The following WIPF1 variants were observed in gnomAD, a reference collection of about 807,000 sequenced individuals.
WIPF1 encodes WAS/WASL-interacting protein family member 1.
In WIPF1, 13 loss-of-function variants were observed where a neutral mutation model predicts 35.4. That is an observed-to-expected ratio of 0.37 (90% CI 0.24 to 0.58). The LOEUF (loss-of-function observed/expected upper bound fraction) is 0.58, where lower values mean the gene tolerates loss of function less well. Ranked by LOEUF, WIPF1 falls within the 20% of genes least tolerant of loss-of-function variation. WIPF1 has a pLI of 0.74. For synonymous variants in WIPF1, 267 were observed against 266.3 expected (o/e 1.00, Z -0.02); for missense variants, 591 against 667.0 (o/e 0.89, Z 1.25).
chr2:174,613,337 T>C (rs1686409445), intron 1 of WIPF1, among the ~76,000 whole-genome samples: 1 of 152,244 alleles, frequency 6.6e-6, no homozygotes, highest in South Asian at 2.1e-4. Context: ...AGGTAGAATC[T>C]AGTTTAGAAT....
chr2:174,674,662 T>C (rs1356155735), intron 1 of WIPF1, among the ~76,000 whole-genome samples: 1 of 152,106 alleles, frequency 6.6e-6, no homozygotes, highest in Non-Finnish European at 1.5e-5. Context: ...AATAAGTGAA[T>C]TTTTTTAATG....
At chr2:174,648,039 A>G (rs1019811019) in intron 1 of WIPF1, among the ~76,000 whole-genome samples, 3 of 152,210 alleles carry the variant, frequency 2.0e-5, no homozygotes, top group Non-Finnish European at 4.4e-5. Flanking sequence ...ATCAAATCCA[A>G]CCGTGTGTTA....
rs532215037 is a variant in WIPF1 at position 174,562,328 on chromosome 2, C to T, written c.*219G>A. The T allele has an allele frequency of 1.6e-5, 24 of 1,486,064 alleles. No individual in the cohort carries two copies. In the South Asian group the frequency reaches 1.9e-4, roughly 12 times the overall value. The allele number at this position is 1,486,064 out of a possible 1,614,324, so 92.1% of individuals were successfully genotyped here. ...CCCAGCAGCCAGCACAGGCAGGCTG[C>T]AGCTGAAGCAAGCAATAGCCTGGAG... On this transcript the variant is annotated 3_prime_UTR_variant, in exon 8 of 8. Transcript: ENST00000679041.
intron 1 of WIPF1, among the ~76,000 whole-genome samples, chr2:174,592,256 T>C (rs1685638131): frequency 1.3e-5 from 2 of 152,340 alleles, no homozygotes; most frequent in East Asian, 1.9e-4. Context: ...GTGAACACAG[T>C]TGACAATCCT....
chr2:174,675,989 C>T (rs1688121766), intron 1 of WIPF1, among the ~76,000 whole-genome samples: 1 of 151,104 alleles, frequency 6.6e-6, no homozygotes, highest in African/African-American at 2.4e-5. Context: ...CTCTATCACC[C>T]AGGCTGGAGT....
intron 5 of WIPF1, among the ~76,000 whole-genome samples, chr2:174,569,461 T>G (rs1348034550): frequency 6.6e-6 from 1 of 152,174 alleles, no homozygotes; most frequent in African/African-American, 2.4e-5. Context: ...CAACTGTCAC[T>G]ACATGCAAAC....
intron 1 of WIPF1, among the ~76,000 whole-genome samples, chr2:174,637,601 C>T (rs1335515516): frequency 6.6e-6 from 1 of 152,168 alleles, no homozygotes; most frequent in Non-Finnish European, 1.5e-5. Context: ...TGCTGGCTAA[C>T]ACGGTGAAAC....
chr2:174,637,243 CT>C (rs1687202827), intron 1 of WIPF1, among the ~76,000 whole-genome samples: 1 of 150,700 alleles, frequency 6.6e-6, no homozygotes, highest in Admixed American at 6.6e-5. Context: ...TTTTTTTTTT[CT>C]TTTTTGTTTT....
At chr2:174,563,733 T>G (rs1684558284) in intron 7 of WIPF1, among the ~76,000 whole-genome samples, 1 of 152,136 alleles carries the variant, frequency 6.6e-6, no homozygotes, top group Admixed American at 6.5e-5. Flanking sequence ...TGTGAACAGG[T>G]CTAACTGGGG....
rs1185793589 is a variant in WIPF1, at chr2:174,572,093, A to G, written c.712T>C (p.Ser238Pro). The change falls in exon 5 of 8, where the codon TCC (serine) becomes CCC (proline). Residue 238 changes from serine (S) to proline (P), a missense_variant. By Grantham distance (74) the Ser-to-Pro change is moderately conservative. This residue lies in a region of WIPF1 where 471 missense variants were observed against 501.1 expected (regional missense o/e 0.94). Transcript: ENST00000679041. ...TALGGGSIRQSPLSSSSPFSN... is the reference protein window; with the variant it reads ...TALGGGSIRQPPLSSSSPFSN... ...AAGGGCGAGGAGGAGCTCAAGGGGGACTGACGTATTGAGCCTCCTCCCAAA... is the reference window on the plus strand; with the variant it reads ...AAGGGCGAGGAGGAGCTCAAGGGGGGCTGACGTATTGAGCCTCCTCCCAAA... The G allele has an allele frequency of 3.8e-6, 6 of 1,583,936 alleles. No homozygotes were observed. The East Asian group carries it at 1.3e-4, about 35-fold the overall frequency.
upstream of WIPF1, among the ~76,000 whole-genome samples, chr2:174,600,913 T>G (rs12988905): frequency 8.2e-4 from 46 of 56,384 alleles, no homozygotes; most frequent in East Asian, 0.01. Context: ...ATAATGTTCC[T>G]TTTTTTTTTT....
At chr2:174,648,059 T>G (rs190732374) in intron 1 of WIPF1, among the ~76,000 whole-genome samples, 1 of 152,382 alleles carries the variant, frequency 6.6e-6, no homozygotes, top group Admixed American at 6.5e-5. Context: ...AGTCACATTT[T>G]TTCTGGGTTA....
At chr2:174,605,119 G>C (rs1686117881) in intron 1 of WIPF1, among the ~76,000 whole-genome samples, 1 of 152,212 alleles carries the variant, frequency 6.6e-6, no homozygotes, top group Admixed American at 6.5e-5. Flanking sequence ...GGGAGCCTGA[G>C]ACTCAAGAGG....
At chr2:174,612,222 C>T (rs1158108605) in intron 1 of WIPF1, among the ~76,000 whole-genome samples, 1 of 152,100 alleles carries the variant, frequency 6.6e-6, no homozygotes, top group Non-Finnish European at 1.5e-5. Flanking sequence ...CCCATTAATA[C>T]CCAGAGAAAA....
chr2:174,652,791 T>A (rs201039580), intron 1 of WIPF1, among the ~76,000 whole-genome samples: 102 of 135,960 alleles, frequency 7.5e-4, no homozygotes, highest in African/African-American at 2.4e-3. Flanking sequence ...AAATTCCATT[T>A]AAAAAAAAAA....
intron 1 of WIPF1, among the ~76,000 whole-genome samples, chr2:174,634,093 C>T (rs1478747990): frequency 1.3e-5 from 2 of 152,194 alleles, no homozygotes; most frequent in African/African-American, 4.8e-5. Flanking sequence ...CATATAACCT[C>T]GCAAGCACGT....
intron 1 of WIPF1, among the ~76,000 whole-genome samples, chr2:174,607,789 C>T (rs757304256): frequency 3.3e-5 from 5 of 152,182 alleles, no homozygotes; most frequent in Admixed American, 6.5e-5. Flanking sequence ...GGCAGCTCCA[C>T]GAGGGCAGAG....
intron 1 of WIPF1, among the ~76,000 whole-genome samples, chr2:174,623,240 C>T (rs964597841): frequency 1.3e-5 from 2 of 152,184 alleles, no homozygotes; most frequent in Admixed American, 1.3e-4. Context: ...AACCAATAAA[C>T]ATTTACTTTA....
chr2:174,626,588 G>A (rs928741017), intron 1 of WIPF1, among the ~76,000 whole-genome samples: 98 of 152,080 alleles, frequency 6.4e-4, no homozygotes, highest in African/African-American at 2.0e-3. Context: ...CTCACAGCCC[G>A]CCCCATCTCA....
Sources: gnomAD v4.1 joint callset for allele counts (sites outside exome capture counted in the v4.1 genomes callset) on GRCh38, gnomAD v4.1.1 for gene constraint, gnomAD v4.1.1 regional missense constraint, MANE v1.5 for transcripts, NCBI Gene and HGNC (gene_info 2026-07-23, HGNC 2026-07-21) for gene names.